TMEM232: variants seen among roughly 807,000 people sequenced by gnomAD.
The protein encoded by TMEM232 is transmembrane protein 232.
TMEM232 carries 80 observed loss-of-function variants against 78.8 expected under a neutral mutation model. The observed-to-expected ratio is 1.01, with a 90% CI of 0.85 to 1.22. The LOEUF (loss-of-function observed/expected upper bound fraction) is 1.22, where lower values mean the gene tolerates loss of function less well. TMEM232 is among the 50% of genes most tolerant of loss of function. The pLI, the probability that TMEM232 is intolerant of heterozygous loss-of-function variation, is 0.00. For synonymous variants in TMEM232, 297 were observed against 254.3 expected (o/e 1.17, Z -1.60); for missense variants, 881 against 742.2 (o/e 1.19, Z -2.17).
chr5:110,612,974 T>G (rs972282815), intron 8 of TMEM232, among the ~76,000 whole-genome samples: 5 of 152,140 alleles, frequency 3.3e-5, no homozygotes, highest in African/African-American at 1.2e-4. Context: ...TTAACTGCGT[T>G]AAGTGGAAAT....
intron 3 of TMEM232, 32 bp downstream of exon 3, chr5:110,642,228 A>G: frequency 1.5e-6 from 2 of 1,374,344 alleles, no homozygotes; most frequent in African/African-American, 1.5e-5. Context: ...AAGGAAGTTA[A>G]CATGCTCAAC....
At chr5:110,685,984 T>TG (rs1468187671) in intron 1 of TMEM232, among the ~76,000 whole-genome samples, 2 of 152,102 alleles carry the variant, frequency 1.3e-5, no homozygotes, top group Non-Finnish European at 2.9e-5. Context: ...GTGTAAGGAT[T>TG]GAATGGAAGG....
At chr5:110,710,359 A>C (rs1364799463) in intron 1 of TMEM232, among the ~76,000 whole-genome samples, 1 of 152,144 alleles carries the variant, frequency 6.6e-6, no homozygotes, top group African/African-American at 2.4e-5. Flanking sequence ...TATTCCAAAA[A>C]ATATAGGAGG....
At chr5:110,577,032 T>C (rs574375810) in intron 10 of TMEM232, among the ~76,000 whole-genome samples, 39 of 151,736 alleles carry the variant, frequency 2.6e-4, no homozygotes, top group Non-Finnish European at 4.9e-4. Context: ...ACTTGAGAAA[T>C]GGAATATAAC....
At chr5:110,664,062 C>A (rs1233887292) in intron 2 of TMEM232, among the ~76,000 whole-genome samples, 1 of 152,034 alleles carries the variant, frequency 6.6e-6, no homozygotes, top group African/African-American at 2.4e-5. Flanking sequence ...CTCTCTTGAG[C>A]CCAGGAATTC....
chr5:110,462,374 T>G lies in TMEM232; in HGVS notation c.1704-37458A>C, dbSNP rs571564805. 1.5e-4 allele frequency among the ~76,000 whole-genome samples: 23 copies of G among 152,254 alleles called. 1 individual carries two copies. In the South Asian group the frequency reaches 4.8e-3, roughly 32 times the overall value. ...AAGGTGCTGCCAATGGAGATTAATA[T>G]TCGAGTTAGTGGACTGGAAAAGGCA... On this transcript the variant is annotated intron_variant, in intron 12 of 13. Coordinates refer to ENST00000455884, the MANE Select transcript of TMEM232 (RefSeq NM_001039763.4).
chr5:110,496,956 G>C (rs1447913554), intron 12 of TMEM232, among the ~76,000 whole-genome samples: 1 of 151,938 alleles, frequency 6.6e-6, no homozygotes, highest in Non-Finnish European at 1.5e-5. Flanking sequence ...GCTGTATTTG[G>C]TGGAAACAAA....
At chr5:110,450,818 TCTAGTTCTA>T (rs1202563270) in intron 12 of TMEM232, among the ~76,000 whole-genome samples, 1 of 152,202 alleles carries the variant, frequency 6.6e-6, no homozygotes, top group African/African-American at 2.4e-5. Context: ...GGGAAACTTT[TCTAGTTCTA>T]CTAGTTCTCA....
chr5:110,663,194 A>T (rs1790042956), intron 2 of TMEM232, among the ~76,000 whole-genome samples: 3 of 152,164 alleles, frequency 2.0e-5, no homozygotes, highest in Admixed American at 2.0e-4. Flanking sequence ...CAACAGTGAA[A>T]TGAAAAACAA....
intron 11 of TMEM232, among the ~76,000 whole-genome samples, chr5:110,567,644 G>C (rs1776493185): frequency 6.6e-6 from 1 of 151,924 alleles, no homozygotes; most frequent in East Asian, 1.9e-4. Context: ...AGAGGAGAGG[G>C]AAGAGTCTTG....
chr5:110,546,160 A>G (rs1773753875), intron 11 of TMEM232, among the ~76,000 whole-genome samples: 1 of 152,094 alleles, frequency 6.6e-6, no homozygotes, highest in Non-Finnish European at 1.5e-5. Context: ...ATCAAATTTT[A>G]TGAACAAATA....
chr5:110,553,600 T>G (rs1774723360), intron 11 of TMEM232, among the ~76,000 whole-genome samples: 1 of 152,218 alleles, frequency 6.6e-6, no homozygotes, highest in Non-Finnish European at 1.5e-5. Context: ...GCTGAAGTAC[T>G]TTATGAGATC....
At position 110,538,199 on chromosome 5, in the gene TMEM232, T is replaced by C. The variant is rs1303323608; in HGVS notation, c.1456-9364A>G. On this transcript the variant is annotated intron_variant, in intron 11 of 13. Coordinates refer to ENST00000455884, the MANE Select transcript of TMEM232 (RefSeq NM_001039763.4). ...CTTATGGCAGGCTGGAGGAAGTCTT[T>C]ACAAAATATACTACTCTGGACTCTT... Among the ~76,000 whole-genome samples, 3 of 152,264 alleles carry C rather than the reference T, an allele frequency of 2.0e-5. No individual in the cohort carries two copies. In the East Asian group the frequency reaches 5.8e-4, roughly 29 times the overall value.
chr5:110,635,937 C>A (rs144540385), intron 5 of TMEM232, among the ~76,000 whole-genome samples: 4 of 151,918 alleles, frequency 2.6e-5, no homozygotes, highest in Non-Finnish European at 4.4e-5. Flanking sequence ...TAAAGAAAAT[C>A]AGTGTATTAT....
At position 110,642,082 on chromosome 5, in the gene TMEM232, A is replaced by C. The variant is rs113162667; in HGVS notation, c.237+178T>G. Among the ~76,000 whole-genome samples the C allele has an allele frequency of 9.5e-4, 145 of 152,186 alleles. 1 individual carries two copies. Among genetic ancestry groups the C allele is most frequent in the African/African-American group, 3.4e-3 (141 of 41,556 alleles). Reference sequence around the variant, plus strand: ...TATATTTCCACAAAAATTTACAGGGAGCTTTTATTATTTGGTTATAAGCTT... The same window carrying C: ...TATATTTCCACAAAAATTTACAGGGCGCTTTTATTATTTGGTTATAAGCTT... On this transcript the variant is annotated intron_variant, in intron 3 of 13. Transcript: ENST00000455884.
chr5:110,605,821 A>AAC (rs1434761975), intron 9 of TMEM232, among the ~76,000 whole-genome samples: 1 of 152,112 alleles, frequency 6.6e-6, no homozygotes, highest in Non-Finnish European at 1.5e-5. Flanking sequence ...CCTACTCTAA[A>AAC]GAAACAGAAG....
At chr5:110,636,743 C>T (rs1306181470) in intron 5 of TMEM232, among the ~76,000 whole-genome samples, 1 of 151,906 alleles carries the variant, frequency 6.6e-6, no homozygotes, top group African/African-American at 2.4e-5. Flanking sequence ...ATGAATAATC[C>T]TCTTAGGATA....
chr5:110,729,004 C>A (rs997702939), upstream of TMEM232, among the ~76,000 whole-genome samples: 12 of 152,052 alleles, frequency 7.9e-5, no homozygotes, highest in African/African-American at 2.9e-4. Flanking sequence ...CCTGCCTCAG[C>A]CTCCCGAGTA....
At chr5:110,611,493 C>A (rs192957299) in intron 8 of TMEM232, among the ~76,000 whole-genome samples, 2 of 152,220 alleles carry the variant, frequency 1.3e-5, no homozygotes, top group East Asian at 3.9e-4. Flanking sequence ...TCAGGGAAGG[C>A]AGAGATGGGG....
Sources: gnomAD v4.1 joint callset for allele counts (sites outside exome capture counted in the v4.1 genomes callset) on GRCh38, gnomAD v4.1.1 for gene constraint, MANE v1.5 for transcripts, NCBI Gene and HGNC (gene_info 2026-07-23, HGNC 2026-07-21) for gene names.